The following PELI2 variants were observed in gnomAD, a reference collection of about 807,000 sequenced individuals.
PELI2 encodes pellino E3 ubiquitin protein ligase family member 2.
PELI2 carries 23 observed loss-of-function variants against 42.3 expected under a neutral mutation model. That is an observed-to-expected ratio of 0.54 (90% CI 0.39 to 0.77). The LOEUF (loss-of-function observed/expected upper bound fraction) is 0.77. PELI2 is among the 30% of genes least tolerant of loss of function. PELI2 has a pLI of 0.00. For synonymous variants in PELI2, 245 were observed against 212.2 expected (o/e 1.15, Z -1.34); for missense variants, 463 against 553.2 (o/e 0.84, Z 1.64).
At position 56,300,641 on chromosome 14, in the gene PELI2, G is replaced by T. The variant is rs1261923777; in HGVS notation, c.*3475G>T. The T allele has an allele frequency of 6.6e-6, 1 of 152,214 alleles. No individual in the cohort carries two copies. The highest frequency in any genetic ancestry group is 1.5e-5 in the Non-Finnish European group (1 of 68,020). 9.4% of individuals were successfully genotyped at this position (152,214 alleles called of 1,614,324 possible). A position where few individuals can be genotyped will look rare whatever the true frequency, so the allele number is the denominator to read the frequency against. ...GTTCTTTGGATGTGCTTGAAAGGGT[G>T]TGTGATTACACCATTGTTAATGCTG... On this transcript the variant is annotated 3_prime_UTR_variant, in exon 6 of 6. Transcript: ENST00000267460.
At chr14:56,150,285 G>C (rs552480218) in intron 1 of PELI2, among the ~76,000 whole-genome samples, 1 of 152,156 alleles carries the variant, frequency 6.6e-6, no homozygotes, top group African/African-American at 2.4e-5. Flanking sequence ...ATTTCCCCAC[G>C]TATAAGCCAA....
chr14:56,155,997 T>G (rs901499489), intron 1 of PELI2, among the ~76,000 whole-genome samples: 1 of 152,222 alleles, frequency 6.6e-6, no homozygotes, highest in Admixed American at 6.5e-5. Flanking sequence ...GCTAAAACTT[T>G]TATAACAATA....
chr14:56,241,584 T>G (rs1168319031), intron 2 of PELI2, among the ~76,000 whole-genome samples: 1 of 152,150 alleles, frequency 6.6e-6, no homozygotes, highest in Admixed American at 6.5e-5. Flanking sequence ...ACCCGTGCCA[T>G]TGTGGAGTAT....
intron 1 of PELI2, among the ~76,000 whole-genome samples, chr14:56,173,077 C>G (rs1885238003): frequency 6.6e-6 from 1 of 152,078 alleles, no homozygotes; most frequent in African/African-American, 2.4e-5. Context: ...GGTGAAGGCC[C>G]CAGGGTTATA....
chr14:56,288,752 AT>A lies in PELI2; in HGVS notation c.507+122del. The A allele has an allele frequency of 1.4e-6, 1 of 717,500 alleles. No homozygotes were observed. The highest frequency in any genetic ancestry group is 2.3e-6 in the Non-Finnish European group (1 of 428,358). The allele number at this position is 717,500 out of a possible 1,614,324, so 44.4% of individuals were successfully genotyped here. The stretch of plus-strand genomic sequence containing the variant: ...ATGTTGCCTCTAGTGAGATTTTGAG[AT>A]TTTAGTTTTCAGGTGGCCAGTTTGA... On this transcript the variant is annotated intron_variant, in intron 4 of 5. Transcript: ENST00000267460. The surrounding 1 kb of genome is among the most constrained non-coding windows in gnomAD (Gnocchi z 4.6).
At chr14:56,169,108 G>C (rs1399175552) in intron 1 of PELI2, among the ~76,000 whole-genome samples, 2 of 152,162 alleles carry the variant, frequency 1.3e-5, no homozygotes, top group Non-Finnish European at 2.9e-5. Flanking sequence ...CAGAAGGAAA[G>C]GGTCTCTTTT....
intron 2 of PELI2, among the ~76,000 whole-genome samples, chr14:56,217,684 A>C (rs1403363988): frequency 6.6e-6 from 1 of 152,220 alleles, no homozygotes; most frequent in African/African-American, 2.4e-5. Context: ...AAAAGCAAAA[A>C]CATGTAATAG....
chr14:56,147,636 TC>T (rs1278963482), intron 1 of PELI2, among the ~76,000 whole-genome samples: 1 of 152,224 alleles, frequency 6.6e-6, no homozygotes. Flanking sequence ...TATTTGTTGA[TC>T]CATGAAATCT....
At chr14:56,252,964 T>C (rs776208626) in intron 2 of PELI2, among the ~76,000 whole-genome samples, 14 of 152,080 alleles carry the variant, frequency 9.2e-5, no homozygotes, top group Non-Finnish European at 1.0e-4. Context: ...CTCAGTAAAA[T>C]ACTGGCAAAC....
intron 1 of PELI2, among the ~76,000 whole-genome samples, chr14:56,141,147 C>T (rs991933838): frequency 1.3e-5 from 2 of 152,210 alleles, no homozygotes; most frequent in East Asian, 1.9e-4. Context: ...TCTGGGATTC[C>T]GTTGCATAGA....
intron 2 of PELI2, among the ~76,000 whole-genome samples, chr14:56,199,925 C>T (rs530446854): frequency 6.6e-6 from 1 of 152,248 alleles, no homozygotes; most frequent in African/African-American, 2.4e-5. Flanking sequence ...TGGGGTTTAC[C>T]TTCACTGTAG....
chr14:56,255,803 A>G (rs1008254934), intron 2 of PELI2, among the ~76,000 whole-genome samples: 1 of 152,050 alleles, frequency 6.6e-6, no homozygotes, highest in African/African-American at 2.4e-5. Context: ...TTATTATGCA[A>G]ATGAATTATC....
chr14:56,239,240 G>A (rs1887894295), intron 2 of PELI2, among the ~76,000 whole-genome samples: 1 of 152,192 alleles, frequency 6.6e-6, no homozygotes, highest in Non-Finnish European at 1.5e-5. Context: ...TTGCCTTTGT[G>A]AGTTTTAAAT....
intron 1 of PELI2, among the ~76,000 whole-genome samples, chr14:56,146,331 T>A (rs1370450174): frequency 6.6e-6 from 1 of 152,224 alleles, no homozygotes; most frequent in Non-Finnish European, 1.5e-5. Context: ...CAGTACAAAC[T>A]GGGACATTGA....
intron 1 of PELI2, among the ~76,000 whole-genome samples, chr14:56,129,497 C>T (rs1883401082): frequency 3.9e-5 from 6 of 152,214 alleles, no homozygotes; most frequent in Admixed American, 3.9e-4. Flanking sequence ...GAACTCTTTC[C>T]TGTTACCCAT....
intron 2 of PELI2, among the ~76,000 whole-genome samples, chr14:56,234,283 T>C (rs1887699803): frequency 6.6e-6 from 1 of 152,214 alleles, no homozygotes; most frequent in Non-Finnish European, 1.5e-5. Flanking sequence ...ATCATGCTGC[T>C]ATAAAGACAC....
At chr14:56,176,104 CCA>C (rs780689557) in intron 1 of PELI2, among the ~76,000 whole-genome samples, 12 of 152,168 alleles carry the variant, frequency 7.9e-5, no homozygotes, top group Non-Finnish European at 1.6e-4. Context: ...CCAGTCAGCC[CCA>C]GAGTGGTGGG....
Position 56,227,274 on chromosome 14 carries a change from G to A in PELI2, c.207+48810G>A, listed in dbSNP as rs533700563. ...AGCTTGAGAGGGATGAGATGGGGGT[G>A]TGTGAGGAGTGGCAGTAGCTGCCCA... On this transcript the variant is annotated intron_variant, in intron 2 of 5. Coordinates refer to ENST00000267460, the MANE Select transcript of PELI2 (RefSeq NM_021255.3). Among the ~76,000 whole-genome samples the A allele has an allele frequency of 6.6e-5, 10 of 152,272 alleles. No individual in the cohort carries two copies. The East Asian group carries it at 1.9e-3, about 29-fold the overall frequency.
intron 2 of PELI2, among the ~76,000 whole-genome samples, chr14:56,216,066 A>G (rs556274376): frequency 6.6e-6 from 1 of 152,364 alleles, no homozygotes; most frequent in South Asian, 2.1e-4. Context: ...TAAGCTTTCA[A>G]GGTAGCATTT....
Sources: allele counts gnomAD v4.1 joint callset (sites outside exome capture counted in the v4.1 genomes callset), GRCh38; gene constraint gnomAD v4.1.1; non-coding constraint Gnocchi (gnomAD v3.1); transcripts MANE v1.5; gene names NCBI Gene and HGNC (gene_info 2026-07-23, HGNC 2026-07-21).